SAE1: variants seen among roughly 807,000 people sequenced by gnomAD.
SAE1 encodes SUMO-activating enzyme subunit 1.
SAE1 carries 11 observed loss-of-function variants against 40.6 expected under a neutral mutation model. The observed-to-expected ratio is 0.27, with a 90% CI of 0.17 to 0.45. The LOEUF (loss-of-function observed/expected upper bound fraction) is 0.45. SAE1 is among the 20% of genes least tolerant of loss of function. The pLI, the probability that SAE1 is intolerant of heterozygous loss-of-function variation, is 1.00. For synonymous variants in SAE1, 155 were observed against 154.3 expected (o/e 1.00, Z -0.03); for missense variants, 373 against 427.3 (o/e 0.87, Z 1.12).
intron 6 of SAE1, among the ~76,000 whole-genome samples, chr19:47,190,809 G>A (rs188678261): frequency 3.3e-4 from 50 of 152,266 alleles, no homozygotes; most frequent in African/African-American, 1.1e-3. Flanking sequence ...ATATGACCAC[G>A]GTCTCCACTT....
At chr19:47,190,650 C>T (rs983482109) in intron 6 of SAE1, among the ~76,000 whole-genome samples, 1 of 152,176 alleles carries the variant, frequency 6.6e-6, no homozygotes, top group Middle Eastern at 3.2e-3. Context: ...TGCCGGCCCT[C>T]GTCCAGCCAA....
At chr19:47,183,222 C>A (rs1005841729) in intron 6 of SAE1, among the ~76,000 whole-genome samples, 1 of 152,110 alleles carries the variant, frequency 6.6e-6, no homozygotes, top group South Asian at 2.1e-4. Context: ...GACCGGTTCA[C>A]GTACTTTACA....
In SAE1 at chr19:47,143,494, G is replaced by T. The variant is rs2123193290; in HGVS notation, c.99G>T (p.Arg33=). ...IRLWGLEAQK[R]LRASRVLLVG... Reference sequence around the variant, plus strand: ...CAGGTTAACAATGTTTGTCTTACAGGCTGCGGGCCTCTCGGGTGCTTCTTG... The same window carrying T: ...CAGGTTAACAATGTTTGTCTTACAGTCTGCGGGCCTCTCGGGTGCTTCTTG... Residue 33 remains arginine (R), a splice_region_variant and synonymous_variant, in exon 2 of 9, where the codon CGG becomes CGT. Transcript: ENST00000270225. 1.9e-6 allele frequency: 3 copies of T among 1,612,298 alleles called. No homozygotes were observed. The East Asian group carries it at 6.7e-5, about 36-fold the overall frequency.
At chr19:47,179,274 A>G (rs6509312) in intron 6 of SAE1, among the ~76,000 whole-genome samples, 29,993 of 151,622 alleles carry the variant, frequency 0.2, 3,047 homozygotes, top group East Asian at 0.36. Flanking sequence ...GGGAGGCTGA[A>G]GCAGGTGGAT....
At position 47,210,208 on chromosome 19, in the gene SAE1, C is replaced by T. The variant is rs1298121308; in HGVS notation, c.*957C>T. 2 of 152,110 alleles carry T rather than the reference C, an allele frequency of 1.3e-5. No homozygotes were observed. Among genetic ancestry groups the T allele is most frequent in the African/African-American group, 4.8e-5 (2 of 41,422 alleles). The allele number at this position is 152,110 out of a possible 1,614,324, so 9.4% of individuals were successfully genotyped here. On this transcript the variant is annotated 3_prime_UTR_variant, in exon 9 of 9. Transcript: ENST00000270225. ...GCTTTAGGATTTGCTTGTTTTTCTT[C>T]CACTTCAGAAGCTTCTGAGAGGGAA... is the stretch of plus-strand genomic sequence containing the variant.
At chr19:47,196,832 A>C (rs1171081599) in intron 6 of SAE1, among the ~76,000 whole-genome samples, 1 of 152,004 alleles carries the variant, frequency 6.6e-6, no homozygotes, top group Non-Finnish European at 1.5e-5. Flanking sequence ...TTTTCACAGT[A>C]AGGTAAATTG....
chr19:47,164,090 A>G (rs191125987), intron 5 of SAE1, among the ~76,000 whole-genome samples: 6 of 152,298 alleles, frequency 3.9e-5, no homozygotes, highest in Admixed American at 2.0e-4. Flanking sequence ...ATATATATGT[A>G]CATGGTTTTG....
At position 47,150,353 on chromosome 19, in the gene SAE1, C is replaced by G; in HGVS notation, c.362C>G (p.Ser121Ter). The G allele has an allele frequency of 1.3e-6, 2 of 1,599,816 alleles. No homozygotes were observed. The highest frequency in any genetic ancestry group is 1.7e-6 in the Non-Finnish European group (2 of 1,175,558). Residue 121 changes from serine to a stop codon, truncating the protein, a stop_gained, in exon 3 of 9, where the codon TCA becomes TGA. Transcript: ENST00000270225. LOFTEE classifies it high-confidence loss of function. ...DTEDIEKKPE[S>*]FFTQFDAVCL... The stretch of plus-strand genomic sequence containing the variant: ...GAGGATATAGAGAAGAAACCAGAGT[C>G]ATTTTTCACTCAATTCGATGCTGTA...
At chr19:47,197,707 G>A (rs1055558761) in intron 7 of SAE1, among the ~76,000 whole-genome samples, 1 of 152,150 alleles carries the variant, frequency 6.6e-6, no homozygotes, top group African/African-American at 2.4e-5. Flanking sequence ...TACATAGTTT[G>A]CTCCCTCTTT....
At chr19:47,150,821 C>T (rs2058283243) in intron 3 of SAE1, among the ~76,000 whole-genome samples, 1 of 152,174 alleles carries the variant, frequency 6.6e-6, no homozygotes, top group Non-Finnish European at 1.5e-5. Flanking sequence ...GAAAAGCACA[C>T]CTGATCTTGA....
At chr19:47,202,307 T>C (rs2058660026) in intron 7 of SAE1, among the ~76,000 whole-genome samples, 1 of 151,956 alleles carries the variant, frequency 6.6e-6, no homozygotes, top group South Asian at 2.1e-4. Context: ...TATTTATTTT[T>C]TGAGACAGTC....
chr19:47,136,013 A>G (rs2058177347), intron 1 of SAE1, among the ~76,000 whole-genome samples: 1 of 151,210 alleles, frequency 6.6e-6, no homozygotes, highest in Admixed American at 6.6e-5. Context: ...CTTGTTGGCC[A>G]GGATGGTCTC....
At chr19:47,134,485 G>A (rs984076723) in intron 1 of SAE1, among the ~76,000 whole-genome samples, 9 of 152,078 alleles carry the variant, frequency 5.9e-5, no homozygotes, top group South Asian at 2.1e-4. Context: ...ATTAAGTGAT[G>A]AGAATGTGCC....
intron 7 of SAE1, among the ~76,000 whole-genome samples, chr19:47,202,866 C>T (rs990961554): frequency 3.3e-5 from 5 of 152,026 alleles, no homozygotes; most frequent in Non-Finnish European, 5.9e-5. Context: ...GCCAAGATCG[C>T]GCCACTGCAC....
chr19:47,181,833 A>G (rs1017433642), intron 6 of SAE1, among the ~76,000 whole-genome samples: 2 of 136,174 alleles, frequency 1.5e-5, no homozygotes, highest in African/African-American at 2.8e-5. Flanking sequence ...TTTTTAAGAC[A>G]GAGTCTTGCT....
At position 47,209,674 on chromosome 19, in the gene SAE1, C is replaced by A. The variant is rs918392840; in HGVS notation, c.*423C>A. 1.1e-5 allele frequency: 2 copies of A among 188,350 alleles called. No homozygotes were observed. Among genetic ancestry groups the A allele is most frequent in the Non-Finnish European group, 2.2e-5 (2 of 91,924 alleles). The allele number at this position is 188,350 out of a possible 1,614,324, so 11.7% of individuals were successfully genotyped here. On this transcript the variant is annotated 3_prime_UTR_variant, in exon 9 of 9. Coordinates refer to ENST00000270225, the MANE Select transcript of SAE1 (RefSeq NM_005500.3). ...TCTTGGACTTATTCCCCACCTGATACCTTATAGAGAAAAGTGTGAATTCAG... is the reference window on the plus strand; with the variant it reads ...TCTTGGACTTATTCCCCACCTGATAACTTATAGAGAAAAGTGTGAATTCAG...
intron 6 of SAE1, among the ~76,000 whole-genome samples, chr19:47,183,965 G>A (rs1320344336): frequency 6.6e-6 from 1 of 152,172 alleles, no homozygotes; most frequent in African/African-American, 2.4e-5. Flanking sequence ...CAATGCATTA[G>A]GGGCCCATGG....
chr19:47,200,712 C>T (rs1193176598), intron 7 of SAE1, among the ~76,000 whole-genome samples: 1 of 152,078 alleles, frequency 6.6e-6, no homozygotes, highest in Non-Finnish European at 1.5e-5. Context: ...TGGCTTGCCA[C>T]CTCTTTTTGT....
intron 5 of SAE1, among the ~76,000 whole-genome samples, chr19:47,161,182 G>T (rs1234847533): frequency 7.3e-5 from 10 of 137,416 alleles, no homozygotes; most frequent in South Asian, 2.3e-4. Context: ...ATTTTTTCGG[G>T]TTTTTTTTTT....
Sources: allele counts gnomAD v4.1 joint callset (sites outside exome capture counted in the v4.1 genomes callset), GRCh38; gene constraint gnomAD v4.1.1; transcripts MANE v1.5; gene names NCBI Gene and HGNC (gene_info 2026-07-23, HGNC 2026-07-21).